STK3: variants seen among roughly 807,000 people sequenced by gnomAD.
The protein encoded by STK3 is serine/threonine kinase 3, also known as serine/threonine-protein kinase 3.
STK3 carries 41 observed loss-of-function variants against 58.0 expected under a neutral mutation model. That is an observed-to-expected ratio of 0.71 (90% CI 0.55 to 0.92). The LOEUF is 0.92. STK3 is among the 40% of genes least tolerant of loss of function. The pLI is 0.00. For synonymous variants in STK3, 170 were observed against 191.0 expected, an observed-to-expected ratio of 0.89 and a Z score of 0.91; for missense variants, 479 against 602.7, an observed-to-expected ratio of 0.79 and a Z score of 2.15.
At chr8:98,474,597 A>G (rs1484132580) in intron 10 of STK3, among the ~76,000 whole-genome samples, 2 of 152,050 alleles carry the variant, frequency 1.3e-5, no homozygotes, top group Non-Finnish European at 2.9e-5. Context: ...CACACTCCCC[A>G]CTTTGGCTTC....
At chr8:98,825,778 GCCC>G (rs1304615792), upstream of STK3, 2 of 77,152 alleles carry the variant, frequency 2.6e-5, no homozygotes, top group African/African-American at 5.3e-5. Context: ...GCCCCCGGCC[GCCC>G]CGCCCCGCCC....
At chr8:98,386,463 A>C (rs1018288392) in intron 1 of STK3, among the ~76,000 whole-genome samples, 15 of 152,204 alleles carry the variant, frequency 9.9e-5, no homozygotes, top group African/African-American at 3.6e-4. Context: ...ATACTATTAA[A>C]AGTGGGGAAA....
At chr8:98,464,291 T>C (rs781581235) in intron 10 of STK3, among the ~76,000 whole-genome samples, 8 of 152,144 alleles carry the variant, frequency 5.3e-5, no homozygotes, top group Non-Finnish European at 7.4e-5. Context: ...TGGAGCAACA[T>C]ACTCTTTTTT....
chr8:98,603,574 T>C (rs1268969486), intron 6 of STK3, among the ~76,000 whole-genome samples: 1 of 152,186 alleles, frequency 6.6e-6, no homozygotes, highest in Non-Finnish European at 1.5e-5. Context: ...GAAAAGCTGT[T>C]CTTTATAGAA....
At chr8:98,936,688 G>A (rs900073926) in intron 1 of STK3, among the ~76,000 whole-genome samples, 12 of 152,204 alleles carry the variant, frequency 7.9e-5, no homozygotes, top group Admixed American at 4.6e-4. Flanking sequence ...GGGCCTGGGC[G>A]GGCCCACCAC....
rs1333005998 is a variant in STK3, at chr8:98,429,317, C to G, written n.483+4810G>C. ...AGGTCCCTTCGGTCAATTTAAGGGACTATTATGCCCATAAAGTTAAATCCC... is the reference window on the plus strand; with the variant it reads ...AGGTCCCTTCGGTCAATTTAAGGGAGTATTATGCCCATAAAGTTAAATCCC... On this transcript the variant is annotated intron_variant and non_coding_transcript_variant, in intron 3 of 3. Transcript: ENST00000517832. 6 of 1,613,972 alleles carry G rather than the reference C, an allele frequency of 3.7e-6. No individual in the cohort carries two copies. The African/African-American group carries it at 8.0e-5, about 22-fold the overall frequency.
intron 1 of STK3, among the ~76,000 whole-genome samples, chr8:98,887,473 T>C (rs1170949822): frequency 6.6e-6 from 1 of 152,232 alleles, no homozygotes; most frequent in Non-Finnish European, 1.5e-5. Flanking sequence ...TGCAACTTTC[T>C]GTGAATCTAT....
chr8:98,664,858 C>A (rs1311766347), intron 6 of STK3, among the ~76,000 whole-genome samples: 2 of 151,722 alleles, frequency 1.3e-5, no homozygotes, highest in Admixed American at 1.3e-4. Context: ...CAAGATCACA[C>A]CATTGCACTC....
At chr8:98,592,967 T>C (rs1002635731) in intron 7 of STK3, among the ~76,000 whole-genome samples, 6 of 152,110 alleles carry the variant, frequency 3.9e-5, no homozygotes, top group African/African-American at 1.4e-4. Flanking sequence ...TTTCACTATG[T>C]TGGCCAGGCT....
intron 3 of STK3, among the ~76,000 whole-genome samples, chr8:98,847,654 G>A (rs918473301): frequency 6.6e-6 from 1 of 152,152 alleles, no homozygotes; most frequent in Non-Finnish European, 1.5e-5. Flanking sequence ...GTGTCTGGAG[G>A]AGGCCTGGGG....
Position 98,774,736 on chromosome 8 carries a change from T to C in STK3, c.107+3A>G. The C allele has an allele frequency of 6.4e-7, 1 of 1,573,684 alleles. No homozygotes were observed. Among genetic ancestry groups the C allele is most frequent in the Admixed American group, 1.9e-5 (1 of 52,660 alleles). ...TACATGCTTTCATACTTTTTGTACT[T>C]ACCCTTCTCCAAGCTTCTCTAATAC... On this transcript the variant is annotated splice_donor_region_variant and intron_variant, in intron 2 of 10. Coordinates refer to ENST00000419617, the MANE Select transcript of STK3 (RefSeq NM_006281.4).
intron 3 of STK3, among the ~76,000 whole-genome samples, chr8:98,840,406 T>C (rs1835925881): frequency 7.0e-6 from 1 of 142,272 alleles, no homozygotes; most frequent in Non-Finnish European, 1.5e-5. Flanking sequence ...ACCCTTTCTC[T>C]ACAAAAAATA....
chr8:98,873,222 G>A (rs1013728917), intron 3 of STK3, among the ~76,000 whole-genome samples: 16 of 152,174 alleles, frequency 1.1e-4, no homozygotes, highest in East Asian at 3.8e-4. Context: ...TATAATTTCT[G>A]TTCTTTTACA....
At chr8:98,874,276 T>C (rs1837484267) in intron 3 of STK3, among the ~76,000 whole-genome samples, 1 of 152,230 alleles carries the variant, frequency 6.6e-6, no homozygotes, top group South Asian at 2.1e-4. Flanking sequence ...GCCCATAACA[T>C]TTTTTCCTTT....
intron 1 of STK3, among the ~76,000 whole-genome samples, chr8:98,795,772 A>G (rs1239222195): frequency 6.6e-6 from 1 of 151,980 alleles, no homozygotes; most frequent in African/African-American, 2.4e-5. Flanking sequence ...AGTCAAGAAC[A>G]CGATCCCATT....
intron 1 of STK3, among the ~76,000 whole-genome samples, chr8:98,805,431 C>G (rs1833836075): frequency 6.6e-6 from 1 of 152,044 alleles, no homozygotes; most frequent in Admixed American, 6.6e-5. Flanking sequence ...AAAAATTAGC[C>G]AGGCATGGTG....
chr8:98,642,054 G>A (rs1418793539), intron 6 of STK3, among the ~76,000 whole-genome samples: 1 of 152,146 alleles, frequency 6.6e-6, no homozygotes, highest in Non-Finnish European at 1.5e-5. Flanking sequence ...CTCAAAGAAT[G>A]ACAATTTAAA....
chr8:98,497,349 C>T (rs192176253), intron 10 of STK3, among the ~76,000 whole-genome samples: 35 of 151,918 alleles, frequency 2.3e-4, no homozygotes, highest in African/African-American at 7.2e-4. Context: ...GACTCTTGGA[C>T]GAACATGTAA....
chr8:98,812,073 G>C (rs370615097), intron 1 of STK3, among the ~76,000 whole-genome samples: 190 of 152,092 alleles, frequency 1.2e-3, no homozygotes, highest in African/African-American at 4.3e-3. Flanking sequence ...ACCTACCAAA[G>C]TGGTGGGATT....
Sources: gnomAD v4.1 joint callset for allele counts (sites outside exome capture counted in the v4.1 genomes callset) on GRCh38, gnomAD v4.1.1 for gene constraint, MANE v1.5 for transcripts, NCBI Gene and HGNC (gene_info 2026-07-23, HGNC 2026-07-21) for gene names.